The following GAB1 variants were observed in gnomAD, a reference collection of about 807,000 sequenced individuals.
The protein encoded by GAB1 is GRB2-associated-binding protein 1.
GAB1 carries 19 observed loss-of-function variants against 66.5 expected under a neutral mutation model. The ratio of observed to expected loss-of-function variants is 0.29; its 90% CI spans 0.20 to 0.42. The LOEUF is 0.42. Among genes scored for constraint, GAB1 ranks in the 10% least tolerant of loss-of-function variants. The probability of loss-of-function intolerance (pLI) is 1.00; values close to 1 mark genes in which losing one functional copy is unlikely to be tolerated. For missense variants in GAB1, 732 were observed against 858.5 expected (o/e 0.85, Z 1.84); for synonymous variants, 294 against 301.4 (o/e 0.98, Z 0.25).
intron 9 of GAB1, among the ~76,000 whole-genome samples, 192 bp downstream of exon 9, chr4:143,466,417 G>T (rs567036908): frequency 6.7e-6 from 1 of 148,378 alleles, no homozygotes; most frequent in East Asian, 2.0e-4. Context: ...CTTTCTGATG[G>T]TTAGAAATTT....
intron 1 of GAB1, among the ~76,000 whole-genome samples, chr4:143,366,658 T>C (rs1484642645): frequency 1.3e-5 from 2 of 152,174 alleles, no homozygotes; most frequent in Admixed American, 1.3e-4. Flanking sequence ...GGCACACTCC[T>C]TCCTTGTTAT....
rs1733964309 is a variant in GAB1, at chr4:143,436,829, T to C, written c.594-1170T>C. On this transcript the variant is annotated intron_variant, in intron 3 of 9. Coordinates refer to ENST00000262994, the MANE Select transcript of GAB1 (RefSeq NM_002039.4). ...GTTTGAGAATATGGGACTTGGAATT[T>C]GGTAAGATGATGGAAGTTGTCAGCA... 2.0e-5 allele frequency among the ~76,000 whole-genome samples: 3 copies of C among 152,098 alleles called. No homozygotes were observed. In the South Asian group the frequency reaches 6.2e-4, roughly 32 times the overall value.
chr4:143,448,139 C>T (rs952778255), intron 6 of GAB1, among the ~76,000 whole-genome samples: 2 of 151,840 alleles, frequency 1.3e-5, no homozygotes, highest in African/African-American at 2.4e-5. Flanking sequence ...AGGGATGAAG[C>T]CCACTTGATC....
chr4:143,357,629 A>G (rs1459674863), intron 1 of GAB1, among the ~76,000 whole-genome samples: 1 of 152,082 alleles, frequency 6.6e-6, no homozygotes. Flanking sequence ...TGAATCTAGA[A>G]TCTGCGGAAG....
intron 2 of GAB1, among the ~76,000 whole-genome samples, chr4:143,429,265 G>A (rs1416907303): frequency 6.6e-6 from 1 of 152,076 alleles, no homozygotes; most frequent in Non-Finnish European, 1.5e-5. Flanking sequence ...ACCACACCTG[G>A]CTAATTTTTG....
chr4:143,417,297 C>T (rs1157959112), intron 2 of GAB1: 1 of 257,052 alleles, frequency 3.9e-6, no homozygotes, highest in Non-Finnish European at 7.6e-6. Flanking sequence ...GCTTACAAAT[C>T]TTGAATGAGG....
chr4:143,441,330 T>G (rs1734217355), intron 6 of GAB1, among the ~76,000 whole-genome samples: 1 of 152,238 alleles, frequency 6.6e-6, no homozygotes, highest in African/African-American at 2.4e-5. Flanking sequence ...ATACAATATC[T>G]GGCTTACATT....
chr4:143,353,146 A>G (rs1303712793), intron 1 of GAB1, among the ~76,000 whole-genome samples: 1 of 152,232 alleles, frequency 6.6e-6, no homozygotes, highest in Non-Finnish European at 1.5e-5. Context: ...GTTCACCAGA[A>G]GTTCTGGTTA....
At chr4:143,378,263 G>A (rs13127055) in intron 1 of GAB1, among the ~76,000 whole-genome samples, 4,412 of 152,332 alleles carry the variant, frequency 0.029, 74 homozygotes, top group South Asian at 0.058. Flanking sequence ...CAGACCTGAA[G>A]ATGTAGCAGA....
intron 1 of GAB1, chr4:143,395,901 G>A: frequency 2.2e-6 from 1 of 455,384 alleles, no homozygotes; most frequent in Non-Finnish European, 4.4e-6. Flanking sequence ...CCCGCCCCCG[G>A]GAGAGCAGCG....
chr4:143,393,541 G>A (rs376432440), intron 1 of GAB1, among the ~76,000 whole-genome samples: 1 of 152,298 alleles, frequency 6.6e-6, no homozygotes, highest in African/African-American at 2.4e-5. Context: ...TTAAATTAAT[G>A]TATAAAGTGC....
chr4:143,434,856 A>G (rs1364074336), intron 3 of GAB1, among the ~76,000 whole-genome samples: 1 of 152,138 alleles, frequency 6.6e-6, no homozygotes, highest in African/African-American at 2.4e-5. Flanking sequence ...AGTTAAGGCA[A>G]TAAAGAGTCA....
At position 143,439,907 on chromosome 4, in the gene GAB1, G is replaced by T; in HGVS notation, c.1281+20G>T. 6.4e-7 allele frequency: 1 copy of T among 1,558,266 alleles called. No homozygotes were observed. Among genetic ancestry groups the T allele is most frequent in the Non-Finnish European group, 8.9e-7 (1 of 1,129,502 alleles). On this transcript the variant is annotated intron_variant, in intron 5 of 9. Coordinates refer to ENST00000262994, the MANE Select transcript of GAB1 (RefSeq NM_002039.4). ...CACTTTGTAAGTATAATTGACCTTG[G>T]CATCATCAAGTGTATTTCATTGTCT...
At chr4:143,440,460 T>G in intron 6 of GAB1, 78 bp downstream of exon 6, 1 of 1,344,430 alleles carries the variant, frequency 7.4e-7, no homozygotes, top group East Asian at 2.4e-5. Context: ...AAATCCAAAA[T>G]AGAATTTGGA....
chr4:143,350,053 C>T (rs936265709), intron 1 of GAB1: 16 of 1,534,614 alleles, frequency 1.0e-5, no homozygotes, highest in Admixed American at 1.9e-5. Flanking sequence ...GAAGCCACCG[C>T]GGTTCCCCAT....
intron 1 of GAB1, among the ~76,000 whole-genome samples, chr4:143,369,848 A>C (rs1730043466): frequency 6.6e-6 from 1 of 152,264 alleles, no homozygotes. Context: ...CCCCATCTTT[A>C]TAACTGCTTT....
rs1045754435 is a variant in GAB1 at position 143,470,800 on chromosome 4, T to G, written c.*1611T>G. 2.0e-5 allele frequency: 3 copies of G among 152,244 alleles called. No individual in the cohort carries two copies. The highest frequency in any genetic ancestry group is 4.4e-5 in the Non-Finnish European group (3 of 68,046). 9.4% of individuals were successfully genotyped at this position (152,244 alleles called of 1,614,324 possible). ...ATTTCTGGCCCATTGGCCATAGTAC[T>G]GTGCCTAATCAATGTAATAGGTTTA... On this transcript the variant is annotated 3_prime_UTR_variant, in exon 10 of 10. Transcript: ENST00000262994.
chr4:143,404,772 C>A (rs932904411), intron 1 of GAB1, among the ~76,000 whole-genome samples: 1 of 152,184 alleles, frequency 6.6e-6, no homozygotes, highest in Admixed American at 6.5e-5. Context: ...AAAACAACTG[C>A]ATTGTCCATA....
Position 143,473,690 on chromosome 4 carries a change from T to C in GAB1, c.*4501T>C, listed in dbSNP as rs1289474665. ...CTAGGTTTTATATGTAAAATGTGAC[T>C]TGGGAAATGATTCTGTTTATTAACT... On this transcript the variant is annotated 3_prime_UTR_variant, in exon 10 of 10. Transcript: ENST00000262994. 1 of 152,210 alleles carries C rather than the reference T, an allele frequency of 6.6e-6. No individual in the cohort carries two copies. The highest frequency in any genetic ancestry group is 1.5e-5 in the Non-Finnish European group (1 of 68,034). 9.4% of individuals were successfully genotyped at this position (152,210 alleles called of 1,614,324 possible).
Sources: allele counts gnomAD v4.1 joint callset (sites outside exome capture counted in the v4.1 genomes callset), GRCh38; gene constraint gnomAD v4.1.1; transcripts MANE v1.5; gene names NCBI Gene and HGNC (gene_info 2026-07-23, HGNC 2026-07-21).